The following FBXL7 variants were observed in gnomAD, a reference collection of about 807,000 sequenced individuals.
The protein encoded by FBXL7 is F-box/LRR-repeat protein 7.
A neutral mutation model predicts 38.3 loss-of-function variants in FBXL7; 12 were observed. The ratio of observed to expected loss-of-function variants is 0.31; its 90% CI spans 0.20 to 0.51. The LOEUF (loss-of-function observed/expected upper bound fraction) is 0.51, where lower values mean the gene tolerates loss of function less well. Among genes scored for constraint, FBXL7 ranks in the 20% least tolerant of loss-of-function variants. FBXL7 has a pLI of 0.98. For synonymous variants in FBXL7, 297 were observed against 300.9 expected, an observed-to-expected ratio of 0.99 and a Z score of 0.13; for missense variants, 567 against 676.4, an observed-to-expected ratio of 0.84 and a Z score of 1.79.
chr5:15,928,324 C>T lies in FBXL7; in HGVS notation c.562C>T (p.Leu188=). The T allele has an allele frequency of 6.2e-7, 1 of 1,613,924 alleles. No individual in the cohort carries two copies. The highest frequency in any genetic ancestry group is 8.5e-7 in the Non-Finnish European group (1 of 1,179,846). The change falls in exon 3 of 4, where the codon CTG becomes TTG. Residue 188 remains leucine (L), a synonymous_variant. Coordinates refer to ENST00000504595, the MANE Select transcript of FBXL7 (RefSeq NM_012304.5). The surrounding 1 kb of genome is among the most constrained non-coding windows in gnomAD (Gnocchi z 4.0). ...GGACACCCCCAACGTGTGTCTCATG[C>T]TGGAAACCGTAACTGTCAGTGGCTG... The part of the protein sequence containing the change: ...CQDTPNVCLM[L]ETVTVSGCRR...
At chr5:15,586,644 T>G (rs990890183) in intron 1 of FBXL7, among the ~76,000 whole-genome samples, 3 of 152,060 alleles carry the variant, frequency 2.0e-5, no homozygotes, top group Non-Finnish European at 4.4e-5. Context: ...CAATGAAGAA[T>G]TGTCTACAGT....
At chr5:15,538,274 G>A (rs753189785) in intron 1 of FBXL7, among the ~76,000 whole-genome samples, 1 of 152,064 alleles carries the variant, frequency 6.6e-6, no homozygotes, top group Admixed American at 6.6e-5. Context: ...ACGACCTACA[G>A]GAAAAAATTC....
intron 2 of FBXL7, among the ~76,000 whole-genome samples, chr5:15,678,301 C>T (rs1379127712): frequency 6.6e-6 from 1 of 152,000 alleles, no homozygotes. Context: ...TCAGAAAGAC[C>T]CCTTTGCTTG....
intron 2 of FBXL7, among the ~76,000 whole-genome samples, chr5:15,913,147 A>G (rs986902910): frequency 6.6e-5 from 10 of 152,096 alleles, no homozygotes; most frequent in Non-Finnish European, 1.5e-5. Context: ...TTTGTTTGGC[A>G]CTTAGTGCCT....
At chr5:15,540,828 G>A (rs1172782674) in intron 1 of FBXL7, among the ~76,000 whole-genome samples, 2 of 151,934 alleles carry the variant, frequency 1.3e-5, no homozygotes, top group Non-Finnish European at 2.9e-5. Flanking sequence ...TTTTATAAGG[G>A]CACTGATCCC....
intron 2 of FBXL7, among the ~76,000 whole-genome samples, chr5:15,924,629 ATTCT>A (rs1741833311): frequency 7.1e-5 from 9 of 126,904 alleles, no homozygotes; most frequent in South Asian, 2.6e-4. Flanking sequence ...GTCTCTCATT[ATTCT>A]TTTTTTTTTT....
At chr5:15,873,995 A>G (rs974051426) in intron 2 of FBXL7, among the ~76,000 whole-genome samples, 3 of 152,244 alleles carry the variant, frequency 2.0e-5, no homozygotes, top group African/African-American at 7.2e-5. Flanking sequence ...AATATCCCTG[A>G]TGAAGATCAA....
intron 2 of FBXL7, among the ~76,000 whole-genome samples, chr5:15,625,141 T>C (rs1740770177): frequency 1.3e-5 from 2 of 152,286 alleles, no homozygotes; most frequent in South Asian, 4.1e-4. Flanking sequence ...CAACAGAAAA[T>C]GGACTAAGAC....
intron 2 of FBXL7, among the ~76,000 whole-genome samples, chr5:15,722,407 C>T (rs1390999591): frequency 1.3e-5 from 2 of 152,122 alleles, no homozygotes; most frequent in Non-Finnish European, 2.9e-5. Context: ...CGTCCAGGCT[C>T]CACCCTCCAG....
chr5:15,616,402 C>A (rs1740454571), intron 2 of FBXL7, among the ~76,000 whole-genome samples: 1 of 152,102 alleles, frequency 6.6e-6, no homozygotes, highest in Non-Finnish European at 1.5e-5. Flanking sequence ...TTTTAAAATC[C>A]TTGTGCTGTA....
chr5:15,611,071 A>G (rs753803555), intron 1 of FBXL7, among the ~76,000 whole-genome samples: 2 of 152,220 alleles, frequency 1.3e-5, no homozygotes, highest in South Asian at 2.1e-4. Context: ...ACACAGTGTC[A>G]GTCCTCATTA....
intron 2 of FBXL7, among the ~76,000 whole-genome samples, chr5:15,900,997 C>T (rs1040413425): frequency 2.0e-5 from 3 of 152,210 alleles, no homozygotes; most frequent in Non-Finnish European, 2.9e-5. Flanking sequence ...ACCTGCTTAA[C>T]TTCAAAAACA....
At chr5:15,763,961 T>TA (rs1736520147) in intron 2 of FBXL7, among the ~76,000 whole-genome samples, 1 of 152,190 alleles carries the variant, frequency 6.6e-6, no homozygotes, top group Non-Finnish European at 1.5e-5. Context: ...GCAGATGGCA[T>TA]AACTTTTAGC....
At chr5:15,738,626 T>A (rs1360686434) in intron 2 of FBXL7, among the ~76,000 whole-genome samples, 1 of 152,214 alleles carries the variant, frequency 6.6e-6, no homozygotes, top group Non-Finnish European at 1.5e-5. Flanking sequence ...ACCTGCTTAC[T>A]TTCTCTAAAA....
chr5:15,605,743 A>G (rs1739985388), intron 1 of FBXL7, among the ~76,000 whole-genome samples: 2 of 152,198 alleles, frequency 1.3e-5, no homozygotes, highest in African/African-American at 4.8e-5. Flanking sequence ...TGTGTTATGT[A>G]CATTTTACCA....
chr5:15,648,699 C>T (rs1443627175), intron 2 of FBXL7, among the ~76,000 whole-genome samples: 2 of 152,168 alleles, frequency 1.3e-5, no homozygotes, highest in Non-Finnish European at 2.9e-5. Flanking sequence ...CATTCAAGCT[C>T]TTTTAGCCAC....
chr5:15,768,163 T>C (rs1736638633), intron 2 of FBXL7, among the ~76,000 whole-genome samples: 1 of 152,190 alleles, frequency 6.6e-6, no homozygotes, highest in South Asian at 2.1e-4. Flanking sequence ...TTTTTTCCCA[T>C]GTGTTTGGAT....
intron 2 of FBXL7, among the ~76,000 whole-genome samples, chr5:15,721,273 G>C (rs568057411): frequency 1.1e-4 from 16 of 151,924 alleles, no homozygotes; most frequent in Admixed American, 6.6e-5. Context: ...ATGCTATCAA[G>C]CAAAATAATC....
At chr5:15,535,031 G>T (rs1179060718) in intron 1 of FBXL7, among the ~76,000 whole-genome samples, 1 of 152,172 alleles carries the variant, frequency 6.6e-6, no homozygotes, top group Admixed American at 6.5e-5. Context: ...TAGTTTAAAA[G>T]TGTTTGGCAG....
Sources: gnomAD v4.1 joint callset for allele counts (sites outside exome capture counted in the v4.1 genomes callset) on GRCh38, gnomAD v4.1.1 for gene constraint, Gnocchi (gnomAD v3.1) non-coding constraint, MANE v1.5 for transcripts, NCBI Gene and HGNC (gene_info 2026-07-23, HGNC 2026-07-21) for gene names.